MTMR12: variants seen among roughly 807,000 people sequenced by gnomAD.
The protein encoded by MTMR12 is myotubularin-related protein 12.
Under a neutral mutation model 96.7 loss-of-function variants are expected in MTMR12, and 33 were observed. The observed-to-expected ratio is 0.34, with a 90% confidence interval of 0.26 to 0.46. MTMR12 has a LOEUF of 0.46. Ranked by LOEUF, MTMR12 falls within the 20% of genes least tolerant of loss-of-function variation. The pLI is 1.00. For missense variants in MTMR12, 721 were observed against 896.1 expected (o/e 0.80, Z 2.49); for synonymous variants, 298 against 327.2 (o/e 0.91, Z 0.96).
chr5:32,300,698 T>TCAG (rs142930710), intron 1 of MTMR12, among the ~76,000 whole-genome samples: 2,334 of 152,286 alleles, frequency 0.015, 30 homozygotes, highest in Non-Finnish European at 0.024. Context: ...TCATCTTTAT[T>TCAG]CAGCAGGTAG....
chr5:32,298,288 G>C (rs574528956), intron 1 of MTMR12, among the ~76,000 whole-genome samples: 106 of 152,292 alleles, frequency 7.0e-4, no homozygotes, highest in African/African-American at 2.4e-3. Context: ...ACCACAGAGG[G>C]CCCCACAAAG....
chr5:32,295,651 C>T (rs1229932070), intron 1 of MTMR12, among the ~76,000 whole-genome samples: 1 of 152,190 alleles, frequency 6.6e-6, no homozygotes, highest in Admixed American at 6.5e-5. Context: ...TAGGAGTTTA[C>T]TATGTCCACT....
chr5:32,235,063 C>A lies in MTMR12; in HGVS notation c.1411G>T (p.Glu471Ter). The A allele has an allele frequency of 3.1e-6, 5 of 1,614,032 alleles. No homozygotes were observed. Among genetic ancestry groups the A allele is most frequent in the Non-Finnish European group, 4.2e-6 (5 of 1,179,940 alleles). Residue 471 changes from glutamate to a stop codon, truncating the protein, a stop_gained, in exon 14 of 16, where the codon GAA becomes TAA. Transcript: ENST00000382142. LOFTEE classifies it high-confidence loss of function. ...QLVHQHPPAF[E>*]FTETYLTVLS... ...ACAGTCAGGTAAGTCTCTGTGAATT[C>A]AAATGCCGGGGGATGCTGGTGCACC...
At chr5:32,230,803 T>A (rs1404273722) in intron 15 of MTMR12, among the ~76,000 whole-genome samples, 1 of 152,258 alleles carries the variant, frequency 6.6e-6, no homozygotes, top group African/African-American at 2.4e-5. Flanking sequence ...TACAATCTTC[T>A]GAACAACTGC....
rs1415926777 is a variant in MTMR12 at position 32,312,864 on chromosome 5, C to G, written c.-26G>C. 1.3e-6 allele frequency: 2 copies of G among 1,512,538 alleles called. No homozygotes were observed. The highest frequency in any genetic ancestry group is 2.9e-5 in the African/African-American group (2 of 69,244). 93.7% of individuals were successfully genotyped at this position (1,512,538 alleles called of 1,614,324 possible). On this transcript the variant is annotated 5_prime_UTR_variant, in exon 1 of 16. Transcript: ENST00000382142. This position sits in a 1 kb window ranked among gnomAD's most constrained non-coding sequence, Gnocchi z 5.0. ...ACCGCCGCCCTGGGAAGCAGCGACGCGCGGACGCAGAGGCGGCGGCTCGGG... is the reference window on the plus strand; with the variant it reads ...ACCGCCGCCCTGGGAAGCAGCGACGGGCGGACGCAGAGGCGGCGGCTCGGG...
chr5:32,310,807 G>A (rs1391205424), intron 1 of MTMR12, among the ~76,000 whole-genome samples: 2 of 151,850 alleles, frequency 1.3e-5, no homozygotes, highest in Non-Finnish European at 2.9e-5. Context: ...GTAACACAAA[G>A]GAAGGATAAA....
At chr5:32,290,384 G>A (rs1750695702) in intron 1 of MTMR12, among the ~76,000 whole-genome samples, 1 of 152,070 alleles carries the variant, frequency 6.6e-6, no homozygotes, top group South Asian at 2.1e-4. Context: ...TCAGAGGATG[G>A]GAACTAAATC....
intron 6 of MTMR12, among the ~76,000 whole-genome samples, chr5:32,264,578 G>A (rs1235407809): frequency 6.6e-6 from 1 of 151,498 alleles, no homozygotes; most frequent in Non-Finnish European, 1.5e-5. Flanking sequence ...CTCCTGCCTC[G>A]GCCTCCTGAA....
At chr5:32,252,233 A>T (rs1748958899) in intron 8 of MTMR12, among the ~76,000 whole-genome samples, 1 of 152,238 alleles carries the variant, frequency 6.6e-6, no homozygotes, top group African/African-American at 2.4e-5. Context: ...AGGGAAGAAC[A>T]GACTGGGTGA....
At chr5:32,280,322 C>T (rs942843073) in intron 1 of MTMR12, among the ~76,000 whole-genome samples, 2 of 152,134 alleles carry the variant, frequency 1.3e-5, no homozygotes, top group Non-Finnish European at 2.9e-5. Context: ...TAATTTTATC[C>T]AGCCAGAGGG....
At chr5:32,288,596 G>A (rs1489844567) in intron 1 of MTMR12, among the ~76,000 whole-genome samples, 1 of 152,196 alleles carries the variant, frequency 6.6e-6, no homozygotes, top group Non-Finnish European at 1.5e-5. Flanking sequence ...GAATAGGCAT[G>A]GGAATGGATA....
At chr5:32,248,167 CA>C in intron 9 of MTMR12, 41 bp from the exon 10 acceptor site, 1 of 1,596,410 alleles carries the variant, frequency 6.3e-7, no homozygotes, top group African/African-American at 1.3e-5. Context: ...AGAGCAAACT[CA>C]AATTTTGCTT....
rs533392965 is a variant in MTMR12, at chr5:32,266,745, A to G, written c.583+1956T>C. ...AACTGCCACTTCCCTGACAAAAAGT[A>G]CATAGGACTCAGGATCACTAAACAT... On this transcript the variant is annotated intron_variant, in intron 6 of 15. Transcript: ENST00000382142. 3.3e-5 allele frequency among the ~76,000 whole-genome samples: 5 copies of G among 151,772 alleles called. No individual in the cohort carries two copies. The South Asian group carries it at 1.0e-3, about 32-fold the overall frequency.
chr5:32,277,303 C>A (rs1430385661), intron 1 of MTMR12, among the ~76,000 whole-genome samples: 5 of 152,010 alleles, frequency 3.3e-5, no homozygotes, highest in Admixed American at 6.5e-5. Context: ...AGTAGCTGTC[C>A]CAAGTAGAGG....
chr5:32,304,322 A>G (rs558822544), intron 1 of MTMR12, among the ~76,000 whole-genome samples: 5 of 149,776 alleles, frequency 3.3e-5, no homozygotes, highest in African/African-American at 9.7e-5. Context: ...TCCGTCTCCA[A>G]AAAAAAAAAG....
In MTMR12 at chr5:32,247,904, C is replaced by T. The variant is rs73752849; in HGVS notation, c.1021+98G>A. 8.2e-3 allele frequency: 12,352 copies of T among 1,504,706 alleles called. 733 individuals carry two copies. The African/African-American group carries it at 0.14, about 17-fold the overall frequency. The allele number at this position is 1,504,706 out of a possible 1,614,324, so 93.2% of individuals were successfully genotyped here. A position where few individuals can be genotyped will look rare whatever the true frequency, so the allele number is the denominator to read the frequency against. On this transcript the variant is annotated intron_variant, in intron 10 of 15. Transcript: ENST00000382142. Reference sequence around the variant, plus strand: ...CACAGCCCTGGGCTCTGCGTACTAACGTAAGGAACCCAGGGAAAAGGCACC... The same window carrying T: ...CACAGCCCTGGGCTCTGCGTACTAATGTAAGGAACCCAGGGAAAAGGCACC...
chr5:32,234,475 A>G (rs1748128272), intron 14 of MTMR12, among the ~76,000 whole-genome samples: 1 of 152,248 alleles, frequency 6.6e-6, no homozygotes, highest in Non-Finnish European at 1.5e-5. Flanking sequence ...GCTGGTCCCC[A>G]TTCTCTTCAC....
chr5:32,269,083 G>A (rs1187693599), intron 5 of MTMR12, among the ~76,000 whole-genome samples: 1 of 151,548 alleles, frequency 6.6e-6, no homozygotes, highest in Non-Finnish European at 1.5e-5. Context: ...CTGCAGTGCA[G>A]TGGCATGATC....
At chr5:32,246,618 T>A (rs1251579787) in intron 10 of MTMR12, among the ~76,000 whole-genome samples, 1 of 152,226 alleles carries the variant, frequency 6.6e-6, no homozygotes, top group Non-Finnish European at 1.5e-5. Flanking sequence ...GTGGACAGTT[T>A]GCCACTGCAG....
Sources: gnomAD v4.1 joint callset for allele counts (sites outside exome capture counted in the v4.1 genomes callset) on GRCh38, gnomAD v4.1.1 for gene constraint, Gnocchi (gnomAD v3.1) non-coding constraint, MANE v1.5 for transcripts, NCBI Gene and HGNC (gene_info 2026-07-23, HGNC 2026-07-21) for gene names.